Variants in CDH4 observed in about 807,000 individuals in gnomAD.
CDH4 encodes cadherin-4.
In CDH4, 33 loss-of-function variants were observed where a neutral mutation model predicts 86.0. The ratio of observed to expected loss-of-function variants is 0.38; its 90% CI spans 0.29 to 0.51. The LOEUF is 0.51. CDH4 is among the 20% of genes least tolerant of loss of function. CDH4 has a pLI of 0.86. For missense variants in CDH4, 1,114 were observed against 1,307.4 expected, an observed-to-expected ratio of 0.85 and a Z score of 2.28; for synonymous variants, 555 against 549.4, an observed-to-expected ratio of 1.01 and a Z score of -0.14.
chr20:61,708,005 C>G lies in CDH4; in HGVS notation c.170-35558C>G, dbSNP rs140635688. On this transcript the variant is annotated intron_variant, in intron 2 of 15. Transcript: ENST00000614565. The surrounding 1 kb of genome is among the most constrained non-coding windows in gnomAD (Gnocchi z 4.5). ...GGCCACCAGGCTTTGGAGGGAGAGA[C>G]AGTGGAGTTTGCATCCACCAGTGCT... is the stretch of plus-strand genomic sequence containing the variant. Among the ~76,000 whole-genome samples the G allele has an allele frequency of 8.9e-3, 1,356 of 152,266 alleles. 20 individuals carry two copies. The highest frequency in any genetic ancestry group is 0.029 in the African/African-American group (1,202 of 41,558).
chr20:61,692,095 GTGTGTGTC>G (rs1421762921), intron 2 of CDH4, among the ~76,000 whole-genome samples: 14 of 150,150 alleles, frequency 9.3e-5, no homozygotes, highest in Non-Finnish European at 1.8e-4. Context: ...GTGTGTGTAT[GTGTGTGTC>G]TGTGTGTATG....
intron 2 of CDH4, among the ~76,000 whole-genome samples, chr20:61,445,092 G>C (rs947545816): frequency 6.6e-6 from 1 of 152,098 alleles, no homozygotes; most frequent in African/African-American, 2.4e-5. Flanking sequence ...TGCTTGCTAC[G>C]GGGAATTCTT....
chr20:61,908,255 C>G (rs1304175011), intron 8 of CDH4, among the ~76,000 whole-genome samples: 1 of 152,172 alleles, frequency 6.6e-6, no homozygotes, highest in Non-Finnish European at 1.5e-5. Context: ...AATGCTGACT[C>G]GGCTCCTGCC....
intron 9 of CDH4, among the ~76,000 whole-genome samples, chr20:61,920,089 C>T (rs78069027): frequency 0.022 from 55 of 2,510 alleles, no homozygotes; most frequent in Middle Eastern, 0.17. Flanking sequence ...ACGGTGATTG[C>T]GTGGAAGCAT....
intron 2 of CDH4, among the ~76,000 whole-genome samples, chr20:61,620,701 A>G (rs2086769663): frequency 6.6e-6 from 1 of 152,252 alleles, no homozygotes; most frequent in Non-Finnish European, 1.5e-5. Context: ...ATTGAAACCA[A>G]CATCTTTCCC....
At chr20:61,768,360 G>A (rs1401169377) in intron 3 of CDH4, among the ~76,000 whole-genome samples, 2 of 152,284 alleles carry the variant, frequency 1.3e-5, no homozygotes, top group Non-Finnish European at 1.5e-5. Context: ...ATATCTATAT[G>A]TGCATGTGCG....
At chr20:61,375,589 C>T (rs1031219155) in intron 2 of CDH4, among the ~76,000 whole-genome samples, 1 of 64,326 alleles carries the variant, frequency 1.6e-5, no homozygotes, top group Non-Finnish European at 2.8e-5. Context: ...GGTCATAGCA[C>T]TGGTGGTGGT....
At chr20:61,343,196 G>A (rs369624797) in intron 2 of CDH4, among the ~76,000 whole-genome samples, 1 of 152,214 alleles carries the variant, frequency 6.6e-6, no homozygotes, top group Non-Finnish European at 1.5e-5. Context: ...TTTGGAATAT[G>A]TTCTGTTTCT....
intron 2 of CDH4, chr20:61,719,124 G>A (rs2088001397): frequency 2.1e-6 from 1 of 470,918 alleles, no homozygotes; most frequent in Admixed American, 2.3e-5. Flanking sequence ...CATGTCACCT[G>A]CAGCCAAATG....
At chr20:61,852,558 C>T (rs1394064312) in intron 5 of CDH4, among the ~76,000 whole-genome samples, 196 bp from the exon 6 acceptor site, 1 of 152,172 alleles carries the variant, frequency 6.6e-6, no homozygotes, top group Non-Finnish European at 1.5e-5. Context: ...CCACTCTGCA[C>T]TCTCCTGACC....
At chr20:61,284,247 T>C (rs144298894) in intron 2 of CDH4, among the ~76,000 whole-genome samples, 8 of 151,708 alleles carry the variant, frequency 5.3e-5, no homozygotes, top group Admixed American at 3.9e-4. Context: ...CCGGGAGGCA[T>C]AGCTTGCAGT....
chr20:61,845,071 G>A (rs1600706236), intron 5 of CDH4, among the ~76,000 whole-genome samples: 2 of 146,294 alleles, frequency 1.4e-5, no homozygotes, highest in Admixed American at 6.9e-5. Context: ...TCCCCAGGAC[G>A]CAAGTCAGGC....
At chr20:61,932,905 A>T in intron 13 of CDH4, 80 bp from the exon 14 acceptor site, 1 of 1,548,988 alleles carries the variant, frequency 6.5e-7, no homozygotes, top group Admixed American at 1.8e-5. Flanking sequence ...GTACATGCCC[A>T]CATAGACACA....
At chr20:61,567,808 C>G (rs1378334541) in intron 2 of CDH4, among the ~76,000 whole-genome samples, 1 of 151,966 alleles carries the variant, frequency 6.6e-6, no homozygotes. Context: ...ACGGCAAAAC[C>G]CCGTATGTTA....
At chr20:61,866,322 G>A (rs1003161172) in intron 6 of CDH4, among the ~76,000 whole-genome samples, 9 of 152,154 alleles carry the variant, frequency 5.9e-5, no homozygotes, top group Non-Finnish European at 1.2e-4. Context: ...CCACACCTGC[G>A]ATTTTTTCCT....
chr20:61,654,298 G>A (rs1006067545), intron 2 of CDH4, among the ~76,000 whole-genome samples: 8 of 152,300 alleles, frequency 5.3e-5, no homozygotes, highest in African/African-American at 7.2e-5. Flanking sequence ...GGTGGCACGC[G>A]CCTGCAATCG....
intron 2 of CDH4, among the ~76,000 whole-genome samples, chr20:61,735,609 G>C (rs1478274738): frequency 2.0e-5 from 3 of 152,208 alleles, no homozygotes; most frequent in African/African-American, 7.2e-5. Context: ...CGGGGCCACT[G>C]CGGGGACTGA....
intron 1 of CDH4, among the ~76,000 whole-genome samples, chr20:61,253,865 A>G (rs2084081167): frequency 6.6e-6 from 1 of 152,118 alleles, no homozygotes; most frequent in Non-Finnish European, 1.5e-5. Flanking sequence ...GGGAGGCGCC[A>G]CTGCCCGGTG....
chr20:61,630,168 C>A (rs1600821399), intron 2 of CDH4, among the ~76,000 whole-genome samples: 1 of 152,356 alleles, frequency 6.6e-6, no homozygotes, highest in East Asian at 1.9e-4. Flanking sequence ...ACCTCAGCCA[C>A]CATCCCCAGC....
Sources: allele counts gnomAD v4.1 joint callset (sites outside exome capture counted in the v4.1 genomes callset), GRCh38; gene constraint gnomAD v4.1.1; non-coding constraint Gnocchi (gnomAD v3.1); transcripts MANE v1.5; gene names NCBI Gene and HGNC (gene_info 2026-07-23, HGNC 2026-07-21).